GNPTAB: variants seen among roughly 807,000 people sequenced by gnomAD.
GNPTAB encodes N-acetylglucosamine-1-phosphate transferase subunits alpha and beta, also known as N-acetylglucosamine-1-phosphotransferase subunits alpha/beta.
In GNPTAB, 92 loss-of-function variants were observed where a neutral mutation model predicts 136.6. That is an observed-to-expected ratio of 0.67 (90% CI 0.57 to 0.80). The LOEUF (loss-of-function observed/expected upper bound fraction) is 0.80. Ranked by LOEUF, GNPTAB falls within the 30% of genes least tolerant of loss-of-function variation. The pLI is 0.00. For missense variants in GNPTAB, 1,343 were observed against 1,501.8 expected, an observed-to-expected ratio of 0.89 and a Z score of 1.75; for synonymous variants, 512 against 535.1, an observed-to-expected ratio of 0.96 and a Z score of 0.60.
intron 7 of GNPTAB, among the ~76,000 whole-genome samples, chr12:101,771,788 T>C (rs2137125976): frequency 6.6e-6 from 1 of 152,296 alleles, no homozygotes; most frequent in African/African-American, 2.4e-5. Flanking sequence ...TCTCCCCAAT[T>C]TTTCAATGTT....
At chr12:101,828,520 G>A (rs1010681308) in intron 1 of GNPTAB, among the ~76,000 whole-genome samples, 8 of 152,110 alleles carry the variant, frequency 5.3e-5, no homozygotes, top group Non-Finnish European at 1.0e-4. Flanking sequence ...TTAGCCAGGT[G>A]TGGTGGCACG....
At chr12:101,752,088 A>G (rs969711597) in intron 19 of GNPTAB, among the ~76,000 whole-genome samples, 1 of 152,006 alleles carries the variant, frequency 6.6e-6, no homozygotes, top group African/African-American at 2.4e-5. Flanking sequence ...GATTATTCCC[A>G]CAGTAGATAC....
chr12:101,774,411 T>C (rs542004555), intron 7 of GNPTAB, among the ~76,000 whole-genome samples: 18 of 152,370 alleles, frequency 1.2e-4, no homozygotes, highest in East Asian at 5.8e-4. Flanking sequence ...ATGACAGATA[T>C]GGAAACCAGA....
intron 1 of GNPTAB, among the ~76,000 whole-genome samples, chr12:101,825,674 G>A (rs1871050540): frequency 7.9e-6 from 1 of 125,962 alleles, no homozygotes; most frequent in Non-Finnish European, 1.6e-5. Flanking sequence ...TGTGGCCATT[G>A]GCATCTCTAG....
chr12:101,762,928 A>G (rs1287617182), intron 13 of GNPTAB, among the ~76,000 whole-genome samples: 1 of 150,940 alleles, frequency 6.6e-6, no homozygotes, highest in South Asian at 2.1e-4. Context: ...AAAAAAAGGA[A>G]AGAGGCCAGA....
In GNPTAB at chr12:101,770,622, C is replaced by A. The variant is rs766960313; in HGVS notation, c.934-37G>T. 3.9e-5 allele frequency: 56 copies of A among 1,419,204 alleles called. 1 individual carries two copies. The South Asian group carries it at 6.3e-4, about 16-fold the overall frequency. 87.9% of individuals were successfully genotyped at this position (1,419,204 alleles called of 1,614,324 possible). A position where few individuals can be genotyped will look rare whatever the true frequency, so the allele number is the denominator to read the frequency against. On this transcript the variant is annotated intron_variant, in intron 8 of 20. Coordinates refer to ENST00000299314, the MANE Select transcript of GNPTAB (RefSeq NM_024312.5). ...ACTTGGCATATGAAGATGTGAAATA[C>A]CCCTTAAGTCATACCTCCTCCTCTT...
intron 7 of GNPTAB, among the ~76,000 whole-genome samples, chr12:101,776,000 T>C (rs1029959295): frequency 1.3e-5 from 2 of 152,114 alleles, no homozygotes; most frequent in African/African-American, 4.8e-5. Context: ...CCCCCATGTC[T>C]CTGACCCACA....
chr12:101,777,287 T>G (rs1953274857), intron 7 of GNPTAB, among the ~76,000 whole-genome samples: 1 of 152,216 alleles, frequency 6.6e-6, no homozygotes, highest in Admixed American at 6.5e-5. Context: ...CTACCACACC[T>G]TTCCCTAGTA....
intron 1 of GNPTAB, among the ~76,000 whole-genome samples, chr12:101,823,170 G>C (rs11111045): frequency 0.15 from 22,364 of 152,206 alleles, 1,719 homozygotes; most frequent in South Asian, 0.22. Context: ...CAAACTGTTA[G>C]AGAAATTATT....
chr12:101,790,836 C>T (rs1178515907), intron 2 of GNPTAB, among the ~76,000 whole-genome samples: 2 of 151,504 alleles, frequency 1.3e-5, no homozygotes, highest in Non-Finnish European at 1.5e-5. Context: ...TTGTGCCTTG[C>T]TCCCCCGCAA....
intron 19 of GNPTAB, among the ~76,000 whole-genome samples, chr12:101,750,291 T>C (rs1401289678): frequency 6.6e-6 from 1 of 152,228 alleles, no homozygotes; most frequent in Non-Finnish European, 1.5e-5. Flanking sequence ...CATTTTCCAC[T>C]GTTTGGGCGT....
At chr12:101,772,184 T>C (rs1953186929) in intron 7 of GNPTAB, among the ~76,000 whole-genome samples, 7 of 152,204 alleles carry the variant, frequency 4.6e-5, no homozygotes, top group Admixed American at 4.6e-4. Context: ...CACAACTTCC[T>C]ATGAAGAGGC....
Position 101,765,153 on chromosome 12 carries a change from A to G in GNPTAB, c.1764T>C (p.His588=). ...GAYSDNPIIR[H]ASIANKWKTI... is the part of the protein sequence containing the mutation. ...TTTTCCACTTGTTGGCAATAGAAGC[A>G]TGTCGAATTATTGGATTGTCACTAT... Residue 588 remains histidine, a synonymous_variant, in exon 13 of 21, where the codon CAT becomes CAC. Coordinates refer to ENST00000299314, the MANE Select transcript of GNPTAB (RefSeq NM_024312.5). 6.2e-7 allele frequency: 1 copy of G among 1,614,176 alleles called. No homozygotes were observed.
In GNPTAB at chr12:101,772,877, T is replaced by C. The variant is rs1038258792; in HGVS notation, c.772-1720A>G. ...TGTCGTGCAGGCTGGAGTGCAGTGA[T>C]GTGATCTCGGCTCACTGCAACCTCC... On this transcript the variant is annotated intron_variant, in intron 7 of 20. Transcript: ENST00000299314. 2.0e-5 allele frequency among the ~76,000 whole-genome samples: 3 copies of C among 152,182 alleles called. No individual in the cohort carries two copies. In the East Asian group the frequency reaches 5.8e-4, roughly 29 times the overall value.
chr12:101,819,400 C>T (rs1296600394), intron 1 of GNPTAB, among the ~76,000 whole-genome samples: 1 of 152,116 alleles, frequency 6.6e-6, no homozygotes, highest in Admixed American at 6.5e-5. Context: ...CCAAAGTGAA[C>T]ACCTCCATAA....
intron 3 of GNPTAB, among the ~76,000 whole-genome samples, chr12:101,789,468 GTGTTT>G (rs772555114): frequency 1.3e-5 from 2 of 151,996 alleles, no homozygotes; most frequent in Admixed American, 6.6e-5. Flanking sequence ...ACAGGACTAT[GTGTTT>G]TGTTTTGTTC....
chr12:101,814,375 A>G (rs1032098414), intron 1 of GNPTAB, among the ~76,000 whole-genome samples: 1 of 152,082 alleles, frequency 6.6e-6, no homozygotes, highest in Non-Finnish European at 1.5e-5. Flanking sequence ...TATCTACTGT[A>G]TTAAAATTAA....
intron 1 of GNPTAB, among the ~76,000 whole-genome samples, chr12:101,819,887 T>C (rs902133475): frequency 6.6e-6 from 1 of 152,254 alleles, no homozygotes; most frequent in South Asian, 2.1e-4. Context: ...CAGTACAAGC[T>C]ATATTAAATA....
At position 101,790,047 on chromosome 12, in the gene GNPTAB, G is replaced by A; in HGVS notation, c.214C>T (p.Pro72Ser). The A allele has an allele frequency of 6.2e-7, 1 of 1,614,052 alleles. No individual in the cohort carries two copies. The highest frequency in any genetic ancestry group is 8.5e-7 in the Non-Finnish European group (1 of 1,179,958). ...GTGTAAACAACGTCAATCGGCATGG[G>A]CAGACAAAGCCTAGGGCAAACCAAC... ...GKSFQNRLCL[P>S]MPIDVVYTWV... The change falls in exon 3 of 21, where the codon CCC becomes TCC. Residue 72 changes from proline (P) to serine (S), a missense_variant. Physicochemically the swap from Pro to Ser is moderately conservative, Grantham distance 74. Coordinates refer to ENST00000299314, the MANE Select transcript of GNPTAB (RefSeq NM_024312.5).
Sources: allele counts gnomAD v4.1 joint callset (sites outside exome capture counted in the v4.1 genomes callset), GRCh38; gene constraint gnomAD v4.1.1; transcripts MANE v1.5; gene names NCBI Gene and HGNC (gene_info 2026-07-23, HGNC 2026-07-21).